COL25A1: variants seen among roughly 807,000 people sequenced by gnomAD.
COL25A1 encodes collagen type XXV alpha 1 chain, also known as collagen alpha-1(XXV) chain.
A neutral mutation model predicts 128.4 loss-of-function variants in COL25A1; 103 were observed. The ratio of observed to expected loss-of-function variants is 0.80; its 90% CI spans 0.68 to 0.94. COL25A1 has a LOEUF of 0.94. COL25A1 is among the 40% of genes least tolerant of loss of function. The probability of loss-of-function intolerance (pLI) is 0.00; values close to 1 mark genes in which losing one functional copy is unlikely to be tolerated. For missense variants in COL25A1, 745 were observed against 840.0 expected, an observed-to-expected ratio of 0.89 and a Z score of 1.40; for synonymous variants, 279 against 277.2, an observed-to-expected ratio of 1.01 and a Z score of -0.06.
chr4:109,063,440 T>C (rs1173864106), intron 3 of COL25A1, among the ~76,000 whole-genome samples: 2 of 151,228 alleles, frequency 1.3e-5, no homozygotes, highest in East Asian at 1.9e-4. Flanking sequence ...AAGGCAGAAG[T>C]TGCAGTAAGC....
intron 3 of COL25A1, among the ~76,000 whole-genome samples, chr4:109,190,300 A>C (rs534941164): frequency 6.6e-6 from 1 of 152,338 alleles, no homozygotes; most frequent in East Asian, 1.9e-4. Flanking sequence ...GGCTCATCAC[A>C]TTTTAAGCAA....
intron 35 of COL25A1, among the ~76,000 whole-genome samples, chr4:108,819,579 C>A (rs1731578456): frequency 6.6e-6 from 1 of 152,182 alleles, no homozygotes; most frequent in Non-Finnish European, 1.5e-5. Flanking sequence ...ATCTTACATT[C>A]AGGTTCCAAT....
chr4:108,886,489 TGTG>T (rs1560806582), intron 18 of COL25A1, among the ~76,000 whole-genome samples: 3,710 of 92,116 alleles, frequency 0.04, 303 homozygotes, highest in African/African-American at 0.11. Context: ...TGTGTGTGTG[TGTG>T]TTTAGCTCAT....
chr4:108,980,944 G>A (rs970511555), intron 6 of COL25A1, among the ~76,000 whole-genome samples: 9 of 152,138 alleles, frequency 5.9e-5, no homozygotes, highest in African/African-American at 2.4e-5. Flanking sequence ...GGAATATCCC[G>A]TTTTTCTCTT....
At chr4:109,060,253 A>T (rs1761840532) in intron 3 of COL25A1, among the ~76,000 whole-genome samples, 1 of 152,124 alleles carries the variant, frequency 6.6e-6, no homozygotes, top group Non-Finnish European at 1.5e-5. Flanking sequence ...TACTTAGGAG[A>T]TATTTAGTTA....
chr4:109,234,081 T>C (rs1036212295), intron 3 of COL25A1, among the ~76,000 whole-genome samples: 1 of 152,196 alleles, frequency 6.6e-6, no homozygotes, highest in African/African-American at 2.4e-5. Flanking sequence ...TATTCAATCT[T>C]ACTGCATTAT....
intron 3 of COL25A1, among the ~76,000 whole-genome samples, chr4:109,063,013 G>C (rs1560620412): frequency 6.6e-6 from 1 of 152,210 alleles, no homozygotes; most frequent in Non-Finnish European, 1.5e-5. Context: ...TTATGTGTAT[G>C]TTTGGTTTCC....
chr4:109,284,959 G>T (rs967672055), intron 3 of COL25A1, among the ~76,000 whole-genome samples: 1 of 151,456 alleles, frequency 6.6e-6, no homozygotes, highest in South Asian at 2.1e-4. Flanking sequence ...ATAGAATTAC[G>T]AGACCAGCAA....
At chr4:108,915,568 C>A (rs572607127) in intron 13 of COL25A1, among the ~76,000 whole-genome samples, 12 of 151,956 alleles carry the variant, frequency 7.9e-5, no homozygotes, top group African/African-American at 2.9e-4. Flanking sequence ...TTTTTATTCC[C>A]TAGTTTTTAT....
intron 3 of COL25A1, among the ~76,000 whole-genome samples, chr4:109,233,803 C>T (rs12640239): frequency 0.088 from 13,325 of 152,070 alleles, 819 homozygotes; most frequent in East Asian, 0.23. Context: ...TTCCAGAGGC[C>T]AAAGTACATA....
intron 3 of COL25A1, among the ~76,000 whole-genome samples, chr4:109,285,808 C>T (rs1055032860): frequency 6.6e-6 from 1 of 152,138 alleles, no homozygotes; most frequent in African/African-American, 2.4e-5. Flanking sequence ...TATTTACACC[C>T]GAAAAACTTG....
intron 3 of COL25A1, among the ~76,000 whole-genome samples, chr4:109,128,492 C>T (rs1768855336): frequency 1.3e-5 from 2 of 152,184 alleles, no homozygotes; most frequent in African/African-American, 4.8e-5. Context: ...ACCAATGTAG[C>T]CTCCATGTAT....
chr4:109,021,203 A>T (rs1757716239), intron 5 of COL25A1, among the ~76,000 whole-genome samples: 1 of 152,122 alleles, frequency 6.6e-6, no homozygotes, highest in Non-Finnish European at 1.5e-5. Flanking sequence ...GTTTCTGGTG[A>T]GAAGAAGAGG....
At chr4:109,177,532 C>T (rs1774213112) in intron 3 of COL25A1, among the ~76,000 whole-genome samples, 1 of 152,156 alleles carries the variant, frequency 6.6e-6, no homozygotes, top group Non-Finnish European at 1.5e-5. Flanking sequence ...CATTTTGATG[C>T]TGAACTTTTA....
chr4:109,191,544 G>A (rs551318733), intron 3 of COL25A1, among the ~76,000 whole-genome samples: 1 of 152,108 alleles, frequency 6.6e-6, no homozygotes, highest in Non-Finnish European at 1.5e-5. Context: ...TCAGCTTTGA[G>A]GACTCTCCTG....
chr4:109,129,163 CTTG>C (rs1768924034), intron 3 of COL25A1, among the ~76,000 whole-genome samples: 1 of 151,448 alleles, frequency 6.6e-6, no homozygotes, highest in Admixed American at 6.6e-5. Context: ...GAGTTTCACT[CTTG>C]TTGCCCAGGC....
intron 3 of COL25A1, among the ~76,000 whole-genome samples, chr4:109,194,837 C>G (rs981813762): frequency 1.3e-5 from 2 of 152,116 alleles, no homozygotes; most frequent in African/African-American, 4.8e-5. Flanking sequence ...TCAGATTGAT[C>G]CATGTGACAT....
chr4:108,921,077 T>G (rs1385453168), intron 11 of COL25A1: 1 of 154,396 alleles, frequency 6.5e-6, no homozygotes, highest in African/African-American at 2.4e-5. Flanking sequence ...ACTTTTTTTT[T>G]CTGTTCTTCC....
At chr4:109,047,383 C>A (rs1760527440) in intron 5 of COL25A1, among the ~76,000 whole-genome samples, 1 of 152,006 alleles carries the variant, frequency 6.6e-6, no homozygotes, top group Non-Finnish European at 1.5e-5. Context: ...CAAAAATAAA[C>A]GTTTTTCATC....
Sources: allele counts gnomAD v4.1 joint callset (sites outside exome capture counted in the v4.1 genomes callset), GRCh38; gene constraint gnomAD v4.1.1; transcripts MANE v1.5; gene names NCBI Gene and HGNC (gene_info 2026-07-23, HGNC 2026-07-21).